RTEL1: variants seen among roughly 807,000 people sequenced by gnomAD.
RTEL1 encodes regulator of telomere length.
RTEL1 carries 86 observed loss-of-function variants against 162.2 expected under a neutral mutation model. That is an observed-to-expected ratio of 0.53 (90% confidence interval 0.45 to 0.63). The LOEUF (loss-of-function observed/expected upper bound fraction) is 0.63, where lower values mean the gene tolerates loss of function less well. Among genes scored for constraint, RTEL1 ranks in the 30% least tolerant of loss-of-function variants. The pLI is 0.00. For missense variants in RTEL1, 1,941 were observed against 1,750.2 expected, an observed-to-expected ratio of 1.11 and a Z score of -1.95; for synonymous variants, 958 against 717.9, an observed-to-expected ratio of 1.33 and a Z score of -5.35.
In RTEL1 at chr20:63,688,134, T is replaced by C. The variant is rs1367203448; in HGVS notation, c.1596-5T>C. The C allele has an allele frequency of 1.9e-6, 3 of 1,612,390 alleles. No homozygotes were observed. The highest frequency in any genetic ancestry group is 1.7e-5 in the Admixed American group (1 of 60,002). On this transcript the variant is annotated splice_polypyrimidine_tract_variant and splice_region_variant and intron_variant, in intron 18 of 34. Coordinates refer to ENST00000360203, the MANE Select transcript of RTEL1 (RefSeq NM_001283009.2). Reference sequence around the variant, plus strand: ...GGTCCTGAGCAGTGGCCTCTCCGGCTCTAGGTTTTCCGAGGAGTGCTTATC... The same window carrying C: ...GGTCCTGAGCAGTGGCCTCTCCGGCCCTAGGTTTTCCGAGGAGTGCTTATC...
chr20:63,667,726 A>G (rs927186356), intron 8 of RTEL1, among the ~76,000 whole-genome samples, 173 bp downstream of exon 8: 27 of 152,082 alleles, frequency 1.8e-4, no homozygotes. Context: ...ACTTGTGAGC[A>G]GCCCCAGGCC....
Position 63,695,866 on chromosome 20 carries a change from C to T in RTEL1, c.*8C>T, listed in dbSNP as rs560312365. On this transcript the variant is annotated 3_prime_UTR_variant, in exon 35 of 35. Coordinates refer to ENST00000360203, the MANE Select transcript of RTEL1 (RefSeq NM_001283009.2). The stretch of plus-strand genomic sequence containing the variant: ...TGGCCAGAGCCCCAGTGAGTGCCCA[C>T]GGAGGCCCCCAGCACACCCAACGTG... 30 of 1,576,066 alleles carry T rather than the reference C, an allele frequency of 1.9e-5. No individual in the cohort carries two copies. Among genetic ancestry groups the T allele is most frequent in the Middle Eastern group, 4.4e-4 (2 of 4,586 alleles).
At chr20:63,663,000 C>A in intron 6 of RTEL1, 111 bp downstream of exon 6, 1 of 1,031,996 alleles carries the variant, frequency 9.7e-7, no homozygotes, top group African/African-American at 1.6e-5. Flanking sequence ...GCGGCCAGTG[C>A]GGCCATGTAC....
chr20:63,661,481 G>A lies in RTEL1; in HGVS notation c.286G>A (p.Ala96Thr), dbSNP rs1218949514. 1 of 1,611,472 alleles carries A rather than the reference G, an allele frequency of 6.2e-7. No homozygotes were observed. Residue 96 changes from alanine to threonine, a missense_variant, in exon 3 of 35, where the codon GCT becomes ACT. Physicochemically the swap from Ala to Thr is moderately conservative, Grantham distance 58. Transcript: ENST00000360203. The surrounding 1 kb of genome is among the most constrained non-coding windows in gnomAD (Gnocchi z 5.1). ...LSSWGNAAAA[A>T]GDPIACYTDI... is the part of the protein sequence containing the mutation. The stretch of plus-strand genomic sequence containing the variant: ...ATCCTGGGGCAACGCTGCTGCTGCT[G>A]CTGGAGACCCCATAGGTGACCCTAG...
Position 63,689,784 on chromosome 20 carries a change from C to T in RTEL1, c.2060C>T (p.Ala687Val). The change falls in exon 24 of 35, where the codon GCG becomes GTG. Residue 687 changes from alanine to valine, a missense_variant. Coordinates refer to ENST00000360203, the MANE Select transcript of RTEL1 (RefSeq NM_001283009.2). ...GGGCAGGAGTGGTACCGGCAGCAGG[C>T]GTCCAGGGCTGTGAACCAGGCCATC... ...LSGQEWYRQQ[A>V]SRAVNQAIGR... 1 of 1,612,190 alleles carries T rather than the reference C, an allele frequency of 6.2e-7. No individual in the cohort carries two copies. The highest frequency in any genetic ancestry group is 8.5e-7 in the Non-Finnish European group (1 of 1,179,768).
chr20:63,681,686 G>A (rs547324303), intron 14 of RTEL1: 11 of 985,368 alleles, frequency 1.1e-5, no homozygotes, highest in Admixed American at 6.1e-5. Context: ...GAGCGGGGGC[G>A]AGACCTGGGC....
At chr20:63,667,115 A>G (rs578088604) in intron 7 of RTEL1, among the ~76,000 whole-genome samples, 173 of 152,322 alleles carry the variant, frequency 1.1e-3, no homozygotes, top group African/African-American at 4.0e-3. Flanking sequence ...CTGGGATTAC[A>G]GGAGTGAGCC....
At chr20:63,680,808 T>G (rs1410109287) in intron 14 of RTEL1, 89 bp downstream of exon 14, 2 of 1,580,018 alleles carry the variant, frequency 1.3e-6, no homozygotes, top group Non-Finnish European at 8.7e-7. Flanking sequence ...GATTCTAGAC[T>G]TGGGGATGGG....
intron 28 of RTEL1, 98 bp downstream of exon 28, chr20:63,691,935 GGGAAT>G: frequency 1.1e-6 from 1 of 887,976 alleles, no homozygotes; most frequent in Non-Finnish European, 1.8e-6. Context: ...GATGGGACCA[GGGAAT>G]CCACCCCCAG....
intron 7 of RTEL1, 84 bp downstream of exon 7, chr20:63,666,163 T>C (rs1318116754): frequency 9.3e-7 from 1 of 1,076,684 alleles, no homozygotes; most frequent in African/African-American, 1.6e-5. Context: ...ATATATTTCT[T>C]CACTTTTCTT....
chr20:63,688,045 C>A lies in RTEL1; in HGVS notation c.1590C>A (p.Asp530Glu). The change falls in exon 18 of 35, where the codon GAC becomes GAA. Residue 530 changes from aspartate (D) to glutamate (E), a missense_variant. Coordinates refer to ENST00000360203, the MANE Select transcript of RTEL1 (RefSeq NM_001283009.2). ...PDGAQLSSAF[D>E]RRFSEECLSS... ...GAGCCCAGTTGAGCTCCGCGTTTGA[C>A]AGACGGTGAGGGCCTGTCCCTGGGC... is the stretch of plus-strand genomic sequence containing the variant. 6.2e-7 allele frequency: 1 copy of A among 1,612,722 alleles called. No homozygotes were observed. The highest frequency in any genetic ancestry group is 8.5e-7 in the Non-Finnish European group (1 of 1,179,926).
chr20:63,671,091 C>T (rs192607815), intron 8 of RTEL1, among the ~76,000 whole-genome samples: 7 of 152,268 alleles, frequency 4.6e-5, no homozygotes, highest in East Asian at 1.9e-4. Context: ...AATGGAGTCT[C>T]GCTCTGTGGT....
chr20:63,681,856 A>G (rs558614623), intron 14 of RTEL1: 4 of 985,320 alleles, frequency 4.1e-6, no homozygotes, highest in South Asian at 4.7e-5. Flanking sequence ...CTCCTCCCCA[A>G]AGGCACGGTG....
intron 10 of RTEL1, among the ~76,000 whole-genome samples, chr20:63,674,805 C>T (rs1194656735): frequency 6.6e-6 from 1 of 152,164 alleles, no homozygotes; most frequent in African/African-American, 2.4e-5. Flanking sequence ...TAGGTTCCTT[C>T]CCAGTGTTTG....
chr20:63,661,780 C>A lies in RTEL1; in HGVS notation c.302-70C>A. Reference sequence around the variant, plus strand: ...TCTGCAGGGCCGAGTTAGCCGAATGCCACCTGCCTTTGATACGTGAGAACG... The same window carrying A: ...TCTGCAGGGCCGAGTTAGCCGAATGACACCTGCCTTTGATACGTGAGAACG... On this transcript the variant is annotated intron_variant, in intron 3 of 34. Transcript: ENST00000360203. This position sits in a 1 kb window ranked among gnomAD's most constrained non-coding sequence, Gnocchi z 5.1. The A allele has an allele frequency of 1.5e-6, 2 of 1,373,902 alleles. No homozygotes were observed. Among genetic ancestry groups the A allele is most frequent in the South Asian group, 1.2e-5 (1 of 85,952 alleles). 85.1% of individuals were successfully genotyped at this position (1,373,902 alleles called of 1,614,324 possible).
chr20:63,692,764 T>C (rs757509027), intron 28 of RTEL1, 41 bp from the exon 29 acceptor site: 2 of 1,578,068 alleles, frequency 1.3e-6, no homozygotes, highest in South Asian at 1.1e-5. Context: ...GACCAGATGA[T>C]GAGGCTGGCC....
At chr20:63,666,988 CG>C (rs1470452428) in intron 7 of RTEL1, among the ~76,000 whole-genome samples, 1 of 151,908 alleles carries the variant, frequency 6.6e-6, no homozygotes, top group African/African-American at 2.4e-5. Context: ...TACAGGTGCC[CG>C]CCACCACGTC....
intron 26 of RTEL1, 135 bp downstream of exon 26, chr20:63,690,576 C>G: frequency 8.0e-7 from 1 of 1,249,386 alleles, no homozygotes; most frequent in Admixed American, 2.9e-5. Flanking sequence ...CAAAGGCTGC[C>G]TCTCCCTCCT....
At chr20:63,680,028 C>G in intron 13 of RTEL1, 82 bp downstream of exon 13, 1 of 950,264 alleles carries the variant, frequency 1.1e-6, no homozygotes, top group Non-Finnish European at 1.6e-6. Flanking sequence ...AGTCAGGGCT[C>G]CCCTGGCCGT....
Sources: gnomAD v4.1 joint callset for allele counts (sites outside exome capture counted in the v4.1 genomes callset) on GRCh38, gnomAD v4.1.1 for gene constraint, Gnocchi (gnomAD v3.1) non-coding constraint, MANE v1.5 for transcripts, NCBI Gene and HGNC (gene_info 2026-07-23, HGNC 2026-07-21) for gene names.